Variants in SDCCAG8 observed in about 807,000 individuals in gnomAD.
SDCCAG8 encodes the protein serologically defined colon cancer antigen 8.
SDCCAG8 carries 74 observed loss-of-function variants against 101.8 expected under a neutral mutation model. The ratio of observed to expected loss-of-function variants is 0.73; its 90% CI spans 0.60 to 0.88. SDCCAG8 has a LOEUF of 0.88. Among genes scored for constraint, SDCCAG8 ranks in the 40% least tolerant of loss-of-function variants. The pLI, the probability that SDCCAG8 is intolerant of heterozygous loss-of-function variation, is 0.00. For missense variants in SDCCAG8, 787 were observed against 822.6 expected (o/e 0.96, Z 0.53); for synonymous variants, 281 against 292.9 (o/e 0.96, Z 0.41).
chr1:243,455,982 C>T (rs983319179), intron 16 of SDCCAG8, among the ~76,000 whole-genome samples: 2 of 152,184 alleles, frequency 1.3e-5, no homozygotes, highest in Non-Finnish European at 1.5e-5. Context: ...GGCCTCTGGA[C>T]CGAAGGGATG....
intron 16 of SDCCAG8, among the ~76,000 whole-genome samples, chr1:243,464,691 G>T (rs953162460): frequency 2.0e-5 from 3 of 152,194 alleles, no homozygotes; most frequent in Non-Finnish European, 4.4e-5. Flanking sequence ...GCACAACACC[G>T]TGTGAGGTGT....
chr1:243,374,098 A>G (rs529704404), intron 12 of SDCCAG8, among the ~76,000 whole-genome samples: 92 of 152,202 alleles, frequency 6.0e-4, no homozygotes, highest in South Asian at 2.7e-3. Flanking sequence ...AAAACAAGAA[A>G]TAGCTCATAG....
chr1:243,289,744 G>A (rs138082415), intron 5 of SDCCAG8, among the ~76,000 whole-genome samples: 5 of 152,216 alleles, frequency 3.3e-5, no homozygotes, highest in East Asian at 1.9e-4. Context: ...AATACACCCC[G>A]TAGAACCTTA....
intron 17 of SDCCAG8, among the ~76,000 whole-genome samples, chr1:243,499,277 A>G (rs909598406): frequency 3.9e-5 from 6 of 152,204 alleles, no homozygotes; most frequent in Non-Finnish European, 5.9e-5. Context: ...GGTTACAATA[A>G]ATTGCTTGCA....
rs74162289 is a variant in SDCCAG8 at position 243,492,604 on chromosome 1, G to GTTTT, written c.2112+3484_2112+3487dup. On this transcript the variant is annotated intron_variant, in intron 17 of 17. Transcript: ENST00000366541. ...CAGGCGTGAGCCACTGCGCCCAGCT[G>GTTTT]TTTTTTTTTTTTTTTTTTTTTTTGA... 9.1e-3 allele frequency among the ~76,000 whole-genome samples: 535 copies of GTTTT among 58,806 alleles called. 15 individuals carry two copies. Among genetic ancestry groups the GTTTT allele is most frequent in the African/African-American group, 0.031 (451 of 14,396 alleles). 38.6% of individuals were successfully genotyped at this position (58,806 alleles called of 152,430 possible).
chr1:243,304,030 G>T (rs551992627), intron 6 of SDCCAG8, among the ~76,000 whole-genome samples: 1 of 151,804 alleles, frequency 6.6e-6, no homozygotes, highest in Non-Finnish European at 1.5e-5. Flanking sequence ...CTGAGATTGC[G>T]CCACTGCACT....
At chr1:243,320,999 A>G (rs1482330630) in intron 9 of SDCCAG8, among the ~76,000 whole-genome samples, 1 of 152,110 alleles carries the variant, frequency 6.6e-6, no homozygotes, top group Non-Finnish European at 1.5e-5. Flanking sequence ...GGGTTTTTCA[A>G]CCTTGGTGCT....
At chr1:243,287,250 C>T (rs2069712454) in intron 5 of SDCCAG8, among the ~76,000 whole-genome samples, 1 of 152,160 alleles carries the variant, frequency 6.6e-6, no homozygotes, top group African/African-American at 2.4e-5. Context: ...CTTTTTGGGA[C>T]AAATTCAACT....
chr1:243,411,641 C>A (rs1244697771), intron 13 of SDCCAG8, among the ~76,000 whole-genome samples: 1 of 152,106 alleles, frequency 6.6e-6, no homozygotes, highest in Non-Finnish European at 1.5e-5. Context: ...TACTTTCTGT[C>A]CCTTAGTGTT....
At chr1:243,487,992 G>C (rs1157345739) in intron 16 of SDCCAG8, 1 of 152,592 alleles carries the variant, frequency 6.6e-6, no homozygotes, top group African/African-American at 2.4e-5. Context: ...GAGCCGTGGG[G>C]AAATGGGAGG....
rs1019819349 is a variant in SDCCAG8, at chr1:243,271,150, T to G, written c.306+87T>G. On this transcript the variant is annotated intron_variant, in intron 3 of 17. Transcript: ENST00000366541. ...TGTAGTACATGTTGCAGAAAAAATT[T>G]AAGCATGGCATACTAATAGTGAAAA... The G allele has an allele frequency of 9.0e-6, 8 of 890,030 alleles. No homozygotes were observed. In the African/African-American group the frequency reaches 1.1e-4, roughly 13 times the overall value. 55.1% of individuals were successfully genotyped at this position (890,030 alleles called of 1,614,324 possible).
chr1:243,433,640 T>A (rs1162678958), intron 16 of SDCCAG8, among the ~76,000 whole-genome samples: 1 of 152,182 alleles, frequency 6.6e-6, no homozygotes, highest in East Asian at 1.9e-4. Flanking sequence ...CTGTTTTATA[T>A]AGACCTAAAG....
intron 12 of SDCCAG8, among the ~76,000 whole-genome samples, chr1:243,374,266 C>T (rs1292044526): frequency 6.6e-6 from 1 of 151,694 alleles, no homozygotes; most frequent in Non-Finnish European, 1.5e-5. Flanking sequence ...AAGTGTATGG[C>T]ATTAAAATAT....
At chr1:243,383,880 T>C (rs1216934890) in intron 13 of SDCCAG8, among the ~76,000 whole-genome samples, 1 of 152,122 alleles carries the variant, frequency 6.6e-6, no homozygotes, top group Non-Finnish European at 1.5e-5. Flanking sequence ...ATAGCTCCCC[T>C]TTTTCCCTCC....
intron 6 of SDCCAG8, among the ~76,000 whole-genome samples, chr1:243,297,238 T>C (rs1318069533): frequency 6.6e-6 from 1 of 152,248 alleles, no homozygotes; most frequent in East Asian, 1.9e-4. Context: ...ATTATATTTG[T>C]TAGATTCATC....
At chr1:243,337,327 G>A (rs567020054) in intron 10 of SDCCAG8, among the ~76,000 whole-genome samples, 1 of 152,144 alleles carries the variant, frequency 6.6e-6, no homozygotes, top group Non-Finnish European at 1.5e-5. Context: ...TATGTGTGTG[G>A]CTTTATTTCT....
chr1:243,411,560 C>T (rs1558430594), intron 13 of SDCCAG8, among the ~76,000 whole-genome samples: 1 of 152,106 alleles, frequency 6.6e-6, no homozygotes, highest in Non-Finnish European at 1.5e-5. Flanking sequence ...TATATCCACC[C>T]AAAACATGTC....
rs59578890 is a variant in SDCCAG8, at chr1:243,384,229, C to G, written c.1616+5366C>G. Among the ~76,000 whole-genome samples the G allele has an allele frequency of 9.3e-3, 1,420 of 152,250 alleles. 26 individuals are homozygous for G. The highest frequency in any genetic ancestry group is 0.033 in the African/African-American group (1,359 of 41,548). On this transcript the variant is annotated intron_variant, in intron 13 of 17. Coordinates refer to ENST00000366541, the MANE Select transcript of SDCCAG8 (RefSeq NM_006642.5). ...TTATCAGTATTATATTTCTCAGAGC[C>G]CCTGGCTCATCACTTTGCAGAGTTG...
chr1:243,497,218 G>A (rs1340545634), intron 17 of SDCCAG8, among the ~76,000 whole-genome samples: 1 of 151,864 alleles, frequency 6.6e-6, no homozygotes, highest in Non-Finnish European at 1.5e-5. Flanking sequence ...AGAGAAATGT[G>A]TGTTACCAAA....
Sources: allele counts gnomAD v4.1 joint callset (sites outside exome capture counted in the v4.1 genomes callset), GRCh38; gene constraint gnomAD v4.1.1; transcripts MANE v1.5; gene names NCBI Gene and HGNC (gene_info 2026-07-23, HGNC 2026-07-21).